Variants in PCYT1B observed in about 807,000 individuals in gnomAD.
PCYT1B encodes the protein choline-phosphate cytidylyltransferase B.
A neutral mutation model predicts 26.4 loss-of-function variants in PCYT1B; 10 were observed. The ratio of observed to expected loss-of-function variants is 0.38; its 90% confidence interval spans 0.23 to 0.64. The LOEUF (loss-of-function observed/expected upper bound fraction) is 0.64. PCYT1B is among the 30% of genes least tolerant of loss of function. The probability of loss-of-function intolerance (pLI) is 0.56; values close to 1 mark genes in which losing one functional copy is unlikely to be tolerated. For synonymous variants in PCYT1B, 131 were observed against 108.4 expected (o/e 1.21, Z -1.29); for missense variants, 161 against 292.7 (o/e 0.55, Z 3.28).
intron 6 of PCYT1B, among the ~76,000 whole-genome samples, chrX:24,579,092 A>G (rs1924115732): frequency 9.3e-6 from 1 of 108,019 alleles, no homozygotes; most frequent in Non-Finnish European, 1.9e-5. Flanking sequence ...GTTCAAGACC[A>G]GTCTGGACAA....
intron 1 of PCYT1B, among the ~76,000 whole-genome samples, chrX:24,654,100 C>CTT (rs35924266): frequency 4.5e-4 from 15 of 33,092 alleles, no homozygotes; most frequent in African/African-American, 8.1e-4. Context: ...TTCTTTCTTT[C>CTT]TTTTTTTTTT....
chrX:24,614,720 CT>C (rs1226616849), intron 2 of PCYT1B, among the ~76,000 whole-genome samples: 1 of 111,993 alleles, frequency 8.9e-6, no homozygotes, highest in Non-Finnish European at 1.9e-5. Flanking sequence ...TGACCAAACC[CT>C]TCTTGAAACT....
chrX:24,644,696 G>T lies in PCYT1B; in HGVS notation c.117+2293C>A, dbSNP rs750213553. On this transcript the variant is annotated intron_variant, in intron 1 of 7. Transcript: ENST00000379144. ...TCTACAATGGGTGGGAGGTGAGGGT[G>T]TAGAGCACATTGCCAGCTTTGCGTG... 4.5e-5 allele frequency among the ~76,000 whole-genome samples: 5 copies of T among 111,499 alleles called. No individual in the cohort carries two copies. In the Admixed American group the frequency reaches 4.8e-4, roughly 11 times the overall value.
chrX:24,579,265 G>C, intron 6 of PCYT1B, 51 bp downstream of exon 6: 1 of 1,159,884 alleles, frequency 8.6e-7, no homozygotes, highest in Non-Finnish European at 1.2e-6. Flanking sequence ...CAGCACTGGT[G>C]GTGGTGGTGT....
chrX:24,637,491 A>AAAAATATATATATATATATATATATATAT, intron 1 of PCYT1B, among the ~76,000 whole-genome samples: 1 of 52,872 alleles, frequency 1.9e-5, no homozygotes, highest in Non-Finnish European at 2.9e-5. Flanking sequence ...AAAAAAAAAA[A>AAAAATATATATATATATATATATATATAT]ATATATATAT....
chrX:24,670,076 G>GA (rs1477015127), intron 1 of PCYT1B, among the ~76,000 whole-genome samples: 2 of 76,636 alleles, frequency 2.6e-5, no homozygotes, highest in Non-Finnish European at 5.0e-5. Context: ...AAGAAAGAAA[G>GA]AAAGAAAGAA....
chrX:24,589,373 G>T (rs760575471), intron 4 of PCYT1B, among the ~76,000 whole-genome samples: 5 of 111,637 alleles, frequency 4.5e-5, no homozygotes, highest in Non-Finnish European at 9.4e-5. Context: ...GGCTGGTAGG[G>T]AGATACAAAG....
chrX:24,607,751 C>T lies in PCYT1B; in HGVS notation c.328G>A (p.Val110Ile). The T allele has an allele frequency of 8.8e-7, 1 of 1,140,836 alleles. No homozygotes were observed. Among genetic ancestry groups the T allele is most frequent in the Non-Finnish European group, 1.2e-6 (1 of 834,087 alleles). 94.0% of individuals were successfully genotyped at this position (1,140,836 alleles called of 1,213,427 possible). A position where few individuals can be genotyped will look rare whatever the true frequency, so the allele number is the denominator to read the frequency against. Residue 110 changes from valine to isoleucine, a missense_variant, in exon 3 of 8, where the codon GTA (valine) becomes ATA (isoleucine). This residue lies in a region of PCYT1B where 65 missense variants were observed against 145.0 expected (regional missense o/e 0.45). Transcript: ENST00000379144. The part of the protein sequence containing the change: ...KTLFPNSYLL[V>I]GVCSDDLTHK... ...AAGAAAATGCACTTCTTACCTCCTA[C>T]CAACAAGTAGCTGTTGGGAAACAGT...
chrX:24,633,547 G>A (rs1435863489), intron 1 of PCYT1B, among the ~76,000 whole-genome samples: 3 of 110,548 alleles, frequency 2.7e-5, no homozygotes, highest in African/African-American at 6.6e-5. Flanking sequence ...CGTTACATGC[G>A]CCTGTAATCC....
chrX:24,562,352 G>T lies in PCYT1B; in HGVS notation c.1051C>A (p.Pro351Thr). 2 of 1,173,108 alleles carry T rather than the reference G, an allele frequency of 1.7e-6. No individual in the cohort carries two copies. Among genetic ancestry groups the T allele is most frequent in the Non-Finnish European group, 2.3e-6 (2 of 877,414 alleles). Residue 351 changes from proline to threonine, a missense_variant, in exon 8 of 8, where the codon CCC (proline) becomes ACC (threonine). Transcript: ENST00000379144. ...LPLKTSPPSSPKAASASISSM... is the reference protein window; with the variant it reads ...LPLKTSPPSSTKAASASISSM... ...CTGATAGAGGCTGAGGCTGCTTTGG[G>T]TGAGGAAGGGGGTGAGGTTTTGAGT...
At chrX:24,629,579 A>AC (rs1569252079) in intron 1 of PCYT1B, among the ~76,000 whole-genome samples, 1 of 100,098 alleles carries the variant, frequency 1.0e-5, no homozygotes, top group African/African-American at 3.5e-5. Flanking sequence ...AAAAAAAAAA[A>AC]AAAAAAAAAA....
upstream of PCYT1B, among the ~76,000 whole-genome samples, chrX:24,648,800 C>T (rs1181522245): frequency 1.8e-5 from 2 of 110,895 alleles, no homozygotes; most frequent in African/African-American, 6.6e-5. Context: ...GGGAACTATA[C>T]TTTGAGAATC....
chrX:24,597,698 T>C (rs1033345905), intron 3 of PCYT1B, among the ~76,000 whole-genome samples: 3 of 112,411 alleles, frequency 2.7e-5, no homozygotes, highest in African/African-American at 9.7e-5. Context: ...AAGCTTCCTG[T>C]CTTTCCCTGT....
intron 2 of PCYT1B, among the ~76,000 whole-genome samples, chrX:24,613,950 C>CAAAAAAAAAAAAAAAAAAAAAAAAA (rs200062439): frequency 2.6e-5 from 2 of 77,213 alleles, no homozygotes; most frequent in Non-Finnish European, 2.6e-5. Flanking sequence ...AACAACCTGT[C>CAAAAAAAAAAAAAAAAAAAAAAAAA]AAAAAAAAAA....
At chrX:24,670,243 T>G (rs1049991597) in intron 1 of PCYT1B, among the ~76,000 whole-genome samples, 1 of 111,820 alleles carries the variant, frequency 8.9e-6, no homozygotes, top group Non-Finnish European at 1.9e-5. Flanking sequence ...TCCAAATAAG[T>G]ACCAACCAAG....
At chrX:24,592,168 G>T (rs934645756) in intron 3 of PCYT1B, among the ~76,000 whole-genome samples, 2 of 111,835 alleles carry the variant, frequency 1.8e-5, no homozygotes, top group Non-Finnish European at 3.8e-5. Context: ...ATTTAGCTAT[G>T]AAAAAGAATG....
chrX:24,665,011 G>T (rs1927099159), intron 1 of PCYT1B, among the ~76,000 whole-genome samples: 1 of 111,420 alleles, frequency 9.0e-6, no homozygotes, highest in Non-Finnish European at 1.9e-5. Context: ...CAAGACAACT[G>T]TAAAAGCTAG....
At chrX:24,621,677 C>A (rs1175608339) in intron 1 of PCYT1B, 2 of 128,160 alleles carry the variant, frequency 1.6e-5, no homozygotes, top group Non-Finnish European at 3.0e-5. Flanking sequence ...TAGCACACAA[C>A]CCAAATGGAT....
intron 7 of PCYT1B, among the ~76,000 whole-genome samples, chrX:24,565,162 G>A (rs1923581862): frequency 9.1e-6 from 1 of 110,344 alleles, no homozygotes; most frequent in African/African-American, 3.3e-5. Flanking sequence ...CCTCCCAGAC[G>A]CTGCATCCCA....
Sources: allele counts gnomAD v4.1 joint callset (sites outside exome capture counted in the v4.1 genomes callset), GRCh38; gene constraint gnomAD v4.1.1; regional missense constraint gnomAD v4.1.1; transcripts MANE v1.5; gene names NCBI Gene and HGNC (gene_info 2026-07-23, HGNC 2026-07-21).